Variants in CACNA1C observed in about 807,000 individuals in gnomAD.
CACNA1C encodes calcium voltage-gated channel subunit alpha1 C.
A neutral mutation model predicts 229.0 loss-of-function variants in CACNA1C; 30 were observed. The ratio of observed to expected loss-of-function variants is 0.13; its 90% CI spans 0.10 to 0.18. The LOEUF is 0.18. Among genes scored for constraint, CACNA1C ranks in the 10% least tolerant of loss-of-function variants. The pLI is 1.00. For synonymous variants in CACNA1C, 1,114 were observed against 1,132.5 expected, an observed-to-expected ratio of 0.98 and a Z score of 0.33; for missense variants, 1,658 against 2,845.0, an observed-to-expected ratio of 0.58 and a Z score of 9.49.
At chr12:2,553,715 G>A (rs2042581014) in intron 10 of CACNA1C, among the ~76,000 whole-genome samples, 1 of 152,198 alleles carries the variant, frequency 6.6e-6, no homozygotes, top group Non-Finnish European at 1.5e-5. Context: ...GGTATCGCGG[G>A]CAACATTGCC....
At chr12:2,183,691 C>T (rs1347685009) in intron 3 of CACNA1C, among the ~76,000 whole-genome samples, 2 of 152,148 alleles carry the variant, frequency 1.3e-5, no homozygotes, top group Non-Finnish European at 2.9e-5. Context: ...GCTTGGTAGG[C>T]GAAAGGCCCC....
In CACNA1C at chr12:2,124,109, C is replaced by CGTGTGT. The variant is rs36202591; in HGVS notation, c.477+3715_477+3720dup. On this transcript the variant is annotated intron_variant, in intron 3 of 46. Coordinates refer to ENST00000399655, the MANE Select transcript of CACNA1C (RefSeq NM_000719.7). Reference sequence around the variant, plus strand: ...GGTCTCTCCTTCCACTGGTCTAGCTCGTGTGTGTGTGTGTGTGTGTGTGTG... The same window carrying CGTGTGT: ...GGTCTCTCCTTCCACTGGTCTAGCTCGTGTGTGTGTGTGTGTGTGTGTGTGTGTGTG... Among the ~76,000 whole-genome samples, 388 of 145,612 alleles carry CGTGTGT rather than the reference C, an allele frequency of 2.7e-3. 4 individuals are homozygous for CGTGTGT. The highest frequency in any genetic ancestry group is 6.8e-3 in the East Asian group (33 of 4,872).
At chr12:2,360,478 G>A (rs1478037645) in intron 3 of CACNA1C, among the ~76,000 whole-genome samples, 2 of 152,178 alleles carry the variant, frequency 1.3e-5, no homozygotes, top group Non-Finnish European at 2.9e-5. Flanking sequence ...AGGGTGCTGG[G>A]AAAAATGCTC....
chr12:2,501,139 G>T (rs990349681), intron 7 of CACNA1C, among the ~76,000 whole-genome samples: 1 of 145,206 alleles, frequency 6.9e-6, no homozygotes, highest in Non-Finnish European at 1.5e-5. Flanking sequence ...AACCCAGGAG[G>T]TGGAGCTTGC....
At chr12:2,044,975 C>T (rs1487102846) in intron 1 of CACNA1C, among the ~76,000 whole-genome samples, 2 of 152,186 alleles carry the variant, frequency 1.3e-5, no homozygotes, top group African/African-American at 2.4e-5. Context: ...CAAACTGAGC[C>T]GTCATTTATT....
At chr12:2,533,292 G>T (rs1049561862) in intron 9 of CACNA1C, among the ~76,000 whole-genome samples, 4 of 152,152 alleles carry the variant, frequency 2.6e-5, no homozygotes, top group African/African-American at 9.7e-5. Flanking sequence ...CCACATCTTG[G>T]CCCTTACCCA....
chr12:2,643,731 C>T (rs1431132987), intron 30 of CACNA1C, among the ~76,000 whole-genome samples: 1 of 152,086 alleles, frequency 6.6e-6, no homozygotes. Context: ...ACACCCTTAA[C>T]CTACACCTGC....
chr12:2,038,840 C>T (rs1374148122), intron 1 of CACNA1C, among the ~76,000 whole-genome samples: 1 of 151,810 alleles, frequency 6.6e-6, no homozygotes, highest in Non-Finnish European at 1.5e-5. Flanking sequence ...CAATTCACTC[C>T]AATATTACAG....
intron 43 of CACNA1C, among the ~76,000 whole-genome samples, chr12:2,684,725 C>G (rs990494806): frequency 3.9e-5 from 6 of 152,168 alleles, no homozygotes; most frequent in African/African-American, 1.4e-4. Flanking sequence ...GAAATGGAAG[C>G]TGGATCTGCA....
intron 1 of CACNA1C, among the ~76,000 whole-genome samples, chr12:2,076,370 C>G (rs2063186174): frequency 6.6e-6 from 1 of 152,108 alleles, no homozygotes; most frequent in Non-Finnish European, 1.5e-5. Context: ...TGAAAGCATT[C>G]CAAGAGGATA....
chr12:2,418,382 C>T (rs1001074866), intron 3 of CACNA1C, among the ~76,000 whole-genome samples: 1 of 152,204 alleles, frequency 6.6e-6, no homozygotes, highest in African/African-American at 2.4e-5. Flanking sequence ...GAATGACTAA[C>T]ATCGAATCTG....
At chr12:2,574,627 G>A (rs928383065) in intron 13 of CACNA1C, among the ~76,000 whole-genome samples, 1 of 152,152 alleles carries the variant, frequency 6.6e-6, no homozygotes, top group Non-Finnish European at 1.5e-5. Context: ...GGTGAGAGCC[G>A]TTAGCACATC....
intron 1 of CACNA1C, among the ~76,000 whole-genome samples, chr12:2,012,006 A>T (rs1001236519): frequency 6.6e-6 from 1 of 152,112 alleles, no homozygotes; most frequent in Non-Finnish European, 1.5e-5. Context: ...GAATTTTGTA[A>T]TTACTTATTG....
chr12:2,571,966 T>C lies in CACNA1C; in HGVS notation c.1895+4172T>C, dbSNP rs188221074. On this transcript the variant is annotated intron_variant, in intron 13 of 46. Transcript: ENST00000399655. ...TGCCATCAGACAAGTGCATGCCTTC[T>C]TCTTTTAAAATATCTTGGAAAGTAC... Among the ~76,000 whole-genome samples the C allele has an allele frequency of 2.6e-4, 39 of 152,328 alleles. No homozygotes were observed. In the South Asian group the frequency reaches 6.2e-3, roughly 24 times the overall value.
chr12:2,343,147 G>A (rs2096911307), intron 3 of CACNA1C, among the ~76,000 whole-genome samples: 1 of 152,180 alleles, frequency 6.6e-6, no homozygotes, highest in Admixed American at 6.5e-5. Context: ...CTCTTTCTGT[G>A]CCAACATCCT....
Position 2,319,180 on chromosome 12 carries a change from C to G in CACNA1C, c.478-129796C>G, listed in dbSNP as rs1425934872. Among the ~76,000 whole-genome samples, 1 of 152,098 alleles carries G rather than the reference C, an allele frequency of 6.6e-6. No homozygotes were observed. The highest frequency in any genetic ancestry group is 6.5e-5 in the Admixed American group (1 of 15,280). ...GGCAGGCAGGGGTCCCCACATATCA[C>G]TGCACCCTCGTGGGCTCCCCTGCCC... is the stretch of plus-strand genomic sequence containing the variant. On this transcript the variant is annotated intron_variant, in intron 3 of 46. Transcript: ENST00000399655. The surrounding 1 kb of genome is among the most constrained non-coding windows in gnomAD (Gnocchi z 4.0).
chr12:2,643,720 C>T (rs1256700091), intron 30 of CACNA1C, among the ~76,000 whole-genome samples: 5 of 152,150 alleles, frequency 3.3e-5, no homozygotes, highest in African/African-American at 1.2e-4. Flanking sequence ...TCCCCCCACA[C>T]ACACCCTTAA....
rs553083088 is a variant in CACNA1C, at chr12:2,649,863, A to G, written c.3945+1356A>G. On this transcript the variant is annotated intron_variant, in intron 31 of 46. Coordinates refer to ENST00000399655, the MANE Select transcript of CACNA1C (RefSeq NM_000719.7). The surrounding 1 kb of genome is among the most constrained non-coding windows in gnomAD (Gnocchi z 4.4). ...TTATAAAATCCTAAGCCTCCTCTGC[A>G]TACTCCTCTGGGGAAACACAACCTC... Among the ~76,000 whole-genome samples the G allele has an allele frequency of 3.9e-5, 6 of 152,078 alleles. No homozygotes were observed. Among genetic ancestry groups the G allele is most frequent in the Non-Finnish European group, 8.8e-5 (6 of 68,022 alleles).
At chr12:2,672,061 G>A (rs2096593744) in intron 38 of CACNA1C, 1 of 152,246 alleles carries the variant, frequency 6.6e-6, no homozygotes, top group South Asian at 2.1e-4. Flanking sequence ...GTGAAGATGA[G>A]GCTTGCATCA....
Sources: allele counts gnomAD v4.1 joint callset (sites outside exome capture counted in the v4.1 genomes callset), GRCh38; gene constraint gnomAD v4.1.1; non-coding constraint Gnocchi (gnomAD v3.1); transcripts MANE v1.5; gene names NCBI Gene and HGNC (gene_info 2026-07-23, HGNC 2026-07-21).